Variants in TSBP1 observed in about 807,000 individuals in gnomAD.
TSBP1 encodes testis-expressed basic protein 1.
A neutral mutation model predicts 68.8 loss-of-function variants in TSBP1; 56 were observed. That is an observed-to-expected ratio of 0.81 (90% CI 0.66 to 1.02). The LOEUF (loss-of-function observed/expected upper bound fraction) is 1.02. TSBP1 is among the 50% of genes least tolerant of loss of function. The pLI is 0.00. For synonymous variants in TSBP1, 171 were observed against 208.7 expected, an observed-to-expected ratio of 0.82 and a Z score of 1.56; for missense variants, 502 against 641.2, an observed-to-expected ratio of 0.78 and a Z score of 2.34.
intron 22 of TSBP1, among the ~76,000 whole-genome samples, chr6:32,295,110 C>A (rs775681704): frequency 1.3e-5 from 2 of 151,922 alleles, no homozygotes; most frequent in Non-Finnish European, 1.5e-5. Context: ...CCAAAGTGGG[C>A]GGATCACTTG....
chr6:32,338,984 G>A lies in TSBP1; in HGVS notation c.404C>T (p.Ala135Val). 1 of 1,611,464 alleles carries A rather than the reference G, an allele frequency of 6.2e-7. No homozygotes were observed. The highest frequency in any genetic ancestry group is 8.5e-7 in the Non-Finnish European group (1 of 1,178,636). ...AGGGCAGAAAAAGAACTTACTCATG[G>A]CTCCTGCAGTTCTGGCTAAAATACA... The change falls in exon 11 of 23, where the codon GCC (alanine) becomes GTC (valine). Residue 135 changes from alanine to valine, a missense_variant. Physicochemically the swap from Ala to Val is moderately conservative, Grantham distance 64. Transcript: ENST00000612031. The surrounding 1 kb of genome is among the most constrained non-coding windows in gnomAD (Gnocchi z 5.5).
At position 32,306,396 on chromosome 6, in the gene TSBP1, G is replaced by A. The variant is rs2127569834; in HGVS notation, c.581-3767C>T. Among the ~76,000 whole-genome samples the A allele has an allele frequency of 6.6e-6, 1 of 151,938 alleles. No individual in the cohort carries two copies. Among genetic ancestry groups the A allele is most frequent in the East Asian group, 1.9e-4 (1 of 5,156 alleles). The stretch of plus-strand genomic sequence containing the variant: ...ATTTCCCCATATCCCCCCTCCCATA[G>A]AAACCCTCCAGCCAGCCTGAAAGAC... On this transcript the variant is annotated intron_variant, in intron 19 of 22. Coordinates refer to ENST00000612031, the Ensembl canonical transcript of TSBP1. This position sits in a 1 kb window ranked among gnomAD's most constrained non-coding sequence, Gnocchi z 5.1.
chr6:32,293,416 C>T, exon 23 of TSBP1: 1 of 1,612,830 alleles, frequency 6.2e-7, no homozygotes, highest in Non-Finnish European at 8.5e-7. Context: ...CTTTTGGTAC[C>T]TTCAACTCAC....
At chr6:32,355,765 A>C in intron 6 of TSBP1, 96 bp from the exon 7 acceptor site, 1 of 1,412,166 alleles carries the variant, frequency 7.1e-7, no homozygotes, top group Non-Finnish European at 9.4e-7. Context: ...AACACCCTCA[A>C]ATATCCAGTT....
intron 6 of TSBP1, among the ~76,000 whole-genome samples, chr6:32,362,338 C>A (rs1161108788): frequency 1.3e-5 from 2 of 151,400 alleles, no homozygotes; most frequent in Non-Finnish European, 2.9e-5. Context: ...GCATGTTAGC[C>A]ACCTTGCCAT....
chr6:32,341,110 T>C (rs1562144648), intron 9 of TSBP1, among the ~76,000 whole-genome samples: 1 of 152,204 alleles, frequency 6.6e-6, no homozygotes, highest in Non-Finnish European at 1.5e-5. Context: ...AAGGAAATTC[T>C]TGAACTGAGT....
chr6:32,367,893 A>G (rs769307397), intron 4 of TSBP1, 32 bp downstream of exon 4: 1 of 1,532,682 alleles, frequency 6.5e-7, no homozygotes, highest in Non-Finnish European at 9.0e-7. Context: ...ATATTCCTTC[A>G]TTAACTGTCT....
At chr6:32,297,447 C>T (rs1712336889) in intron 22 of TSBP1, among the ~76,000 whole-genome samples, 1 of 152,136 alleles carries the variant, frequency 6.6e-6, no homozygotes, top group Admixed American at 6.5e-5. Context: ...ATCACATTAA[C>T]AATTCTATCT....
chr6:32,322,076 T>C (rs1322340088), intron 18 of TSBP1, among the ~76,000 whole-genome samples: 1 of 152,212 alleles, frequency 6.6e-6, no homozygotes, highest in Non-Finnish European at 1.5e-5. Flanking sequence ...AACTTTGGTT[T>C]TTAATATTAG....
chr6:32,350,236 A>G (rs1451712095), intron 8 of TSBP1: 2 of 457,686 alleles, frequency 4.4e-6, no homozygotes, highest in South Asian at 3.1e-5. Context: ...CCACTTTCCA[A>G]AATTCACTTG....
chr6:32,369,896 C>A lies in TSBP1; in HGVS notation c.100+1G>T. On this transcript the variant is annotated splice_donor_variant, in intron 2 of 22. Transcript: ENST00000612031. LOFTEE classifies it high-confidence loss of function. The stretch of plus-strand genomic sequence containing the variant: ...CTTCATTTTGACTCATTATTACTCA[C>A]CACTTTGCTTACATCGTGCCCATCT... 3.2e-6 allele frequency: 5 copies of A among 1,581,150 alleles called. No individual in the cohort carries two copies. The highest frequency in any genetic ancestry group is 4.3e-6 in the Non-Finnish European group (5 of 1,151,082).
At chr6:32,294,057 G>A (rs113851738) in intron 22 of TSBP1, 22 bp from the exon 26 acceptor site, 39 of 1,598,856 alleles carry the variant, frequency 2.4e-5, no homozygotes, top group East Asian at 6.7e-5. Flanking sequence ...ACAAAAGGGC[G>A]TGATTTAGAT....
chr6:32,350,666 G>A (rs985172072), intron 8 of TSBP1, among the ~76,000 whole-genome samples: 9 of 152,218 alleles, frequency 5.9e-5, no homozygotes, highest in African/African-American at 2.2e-4. Flanking sequence ...TAGGTTACAT[G>A]GAAAAAGGGA....
intron 9 of TSBP1, among the ~76,000 whole-genome samples, chr6:32,348,837 G>T (rs1465213229): frequency 6.6e-6 from 1 of 152,052 alleles, no homozygotes; most frequent in Non-Finnish European, 1.5e-5. Context: ...CCCATTCCCT[G>T]ATCTCTTCAC....
At position 32,316,865 on chromosome 6, in the gene TSBP1, G is replaced by A. The variant is rs1196091013; in HGVS notation, c.560-1073C>T. ...TGTAATCCCAGCACTTTGGGAGGTC[G>A]AGGCAGGCGGATCACGAGGTCAGGA... is the stretch of plus-strand genomic sequence containing the variant. On this transcript the variant is annotated intron_variant, in intron 18 of 22. Coordinates refer to ENST00000612031, the Ensembl canonical transcript of TSBP1. This position sits in a 1 kb window ranked among gnomAD's most constrained non-coding sequence, Gnocchi z 4.5. Among the ~76,000 whole-genome samples, 3 of 152,000 alleles carry A rather than the reference G, an allele frequency of 2.0e-5. No individual in the cohort carries two copies. The highest frequency in any genetic ancestry group is 2.9e-5 in the Non-Finnish European group (2 of 68,012).
chr6:32,317,653 T>C (rs1420913966), intron 18 of TSBP1, among the ~76,000 whole-genome samples: 1 of 152,052 alleles, frequency 6.6e-6, no homozygotes, highest in African/African-American at 2.4e-5. Flanking sequence ...AAAAAGGGAA[T>C]AGGCACTTTT....
chr6:32,348,204 A>G (rs923328625), intron 9 of TSBP1, among the ~76,000 whole-genome samples: 4 of 152,192 alleles, frequency 2.6e-5, no homozygotes, highest in Non-Finnish European at 5.9e-5. Context: ...CCTGCCTCAC[A>G]TGGGTCCTCT....
intron 19 of TSBP1, among the ~76,000 whole-genome samples, chr6:32,313,736 G>T (rs200326143): frequency 9.9e-5 from 15 of 151,318 alleles, no homozygotes; most frequent in South Asian, 2.1e-4. Flanking sequence ...CACTGCCACT[G>T]AACCAGATCT....
chr6:32,324,498 T>C (rs989320705), intron 16 of TSBP1: 2 of 937,522 alleles, frequency 2.1e-6, no homozygotes, highest in African/African-American at 1.6e-5. Flanking sequence ...AACTTTCCAG[T>C]ACATCATGAA....
Sources: allele counts gnomAD v4.1 joint callset (sites outside exome capture counted in the v4.1 genomes callset), GRCh38; gene constraint gnomAD v4.1.1; non-coding constraint Gnocchi (gnomAD v3.1); transcripts MANE v1.5; gene names NCBI Gene and HGNC (gene_info 2026-07-23, HGNC 2026-07-21).